FREM1: variants seen among roughly 807,000 people sequenced by gnomAD.
The protein encoded by FREM1 is FRAS1 related extracellular matrix 1.
A neutral mutation model predicts 210.1 loss-of-function variants in FREM1; 220 were observed. The observed-to-expected ratio is 1.05, with a 90% CI of 0.94 to 1.17. FREM1 has a LOEUF of 1.17. FREM1 is among the 50% of genes most tolerant of loss of function. The pLI is 0.00. For synonymous variants in FREM1, 1,189 were observed against 980.2 expected (o/e 1.21, Z -3.98); for missense variants, 3,454 against 2,675.5 (o/e 1.29, Z -6.42).
chr9:14,872,921 G>A (rs1274711403), intron 1 of FREM1, among the ~76,000 whole-genome samples: 1 of 150,554 alleles, frequency 6.6e-6, no homozygotes, highest in East Asian at 1.9e-4. Context: ...CATCTATTGA[G>A]ATAATCATGT....
At chr9:14,758,980 G>A (rs917951451) in intron 28 of FREM1, among the ~76,000 whole-genome samples, 2 of 152,086 alleles carry the variant, frequency 1.3e-5, no homozygotes. Context: ...CTGCCTATTT[G>A]CCTCATCAAC....
At chr9:14,743,002 A>C (rs1006994768) in intron 35 of FREM1, among the ~76,000 whole-genome samples, 11 of 152,132 alleles carry the variant, frequency 7.2e-5, no homozygotes, top group African/African-American at 2.7e-4. Flanking sequence ...AAATAAATCC[A>C]TAAACTGTAG....
At chr9:14,892,322 G>T (rs4741440) in intron 1 of FREM1, among the ~76,000 whole-genome samples, 18,914 of 152,030 alleles carry the variant, frequency 0.12, 1,491 homozygotes, top group East Asian at 0.44. Context: ...GGCTGACTTT[G>T]GGTAGGTGGG....
chr9:14,812,028 A>C (rs937799439), intron 16 of FREM1, among the ~76,000 whole-genome samples: 3 of 152,140 alleles, frequency 2.0e-5, no homozygotes, highest in African/African-American at 7.2e-5. Context: ...GAAGATGTGC[A>C]AGGTGAGATG....
chr9:14,887,423 G>A (rs372014505), intron 1 of FREM1, among the ~76,000 whole-genome samples: 41 of 152,306 alleles, frequency 2.7e-4, no homozygotes, highest in African/African-American at 9.4e-4. Context: ...TCTTTGGTGG[G>A]CCCATACTAC....
Position 14,775,892 on chromosome 9 carries a change from T to C in FREM1, c.4754A>G (p.Asp1585Gly), listed in dbSNP as rs544905717. ...KNVAYRHSGGDSQTDCFTFMA... is the reference protein window; with the variant it reads ...KNVAYRHSGGGSQTDCFTFMA... The stretch of plus-strand genomic sequence containing the variant: ...GAAAGTAAAGCAGTCAGTCTGGGAG[T>C]CCCCTCCTGAGTGCCGATAGGCCAC... Residue 1585 changes from aspartate to glycine, a missense_variant, in exon 25 of 37, where the codon GAC (aspartate) becomes GGC (glycine). Coordinates refer to ENST00000380880, the MANE Select transcript of FREM1 (RefSeq NM_001379081.2). 1.6e-4 allele frequency: 255 copies of C among 1,613,752 alleles called. 4 individuals are homozygous for C. The South Asian group carries it at 2.6e-3, about 17-fold the overall frequency.
chr9:14,900,154 C>T (rs1479555610), intron 1 of FREM1, among the ~76,000 whole-genome samples: 1 of 152,134 alleles, frequency 6.6e-6, no homozygotes, highest in Non-Finnish European at 1.5e-5. Context: ...GAACGGGAAA[C>T]ACACCAAGAT....
At position 14,842,655 on chromosome 9, in the gene FREM1, TC is replaced by T; in HGVS notation, c.1398del (p.Leu470SerfsTer56). The T allele has an allele frequency of 1.9e-6, 3 of 1,611,814 alleles. No individual in the cohort carries two copies. Among genetic ancestry groups the T allele is most frequent in the Non-Finnish European group, 2.5e-6 (3 of 1,178,814 alleles). On this transcript the variant is annotated frameshift_variant, in exon 9 of 37. Transcript: ENST00000380880. LOFTEE classifies it high-confidence loss of function. ...TCAGCCACGGTGAAGAGAAACCCTT[TC>T]CCCCCTGAGGGAGAGAGCAGAGATG... Reference protein sequence around the residue: ...LQHGWLTLRGGKGFLFTVADL... With the variant: ...LQHGWLTLRGXKGFLFTVADL...
intron 35 of FREM1, among the ~76,000 whole-genome samples, chr9:14,745,923 G>C (rs980546163): frequency 1.3e-5 from 2 of 152,106 alleles, no homozygotes; most frequent in Admixed American, 1.3e-4. Flanking sequence ...ACGTTATAAG[G>C]CTTTTCATTA....
chr9:14,851,156 T>G, intron 6 of FREM1, 128 bp downstream of exon 6: 2 of 711,312 alleles, frequency 2.8e-6, no homozygotes, highest in Non-Finnish European at 4.5e-6. Flanking sequence ...GTGTGCATCC[T>G]GATTTACAGT....
At chr9:14,822,993 C>T (rs1821658122) in intron 13 of FREM1, among the ~76,000 whole-genome samples, 167 bp downstream of exon 13, 1 of 152,100 alleles carries the variant, frequency 6.6e-6, no homozygotes, top group African/African-American at 2.4e-5. Flanking sequence ...GAGTAAAAGA[C>T]TCCCTTCTCC....
At chr9:14,851,205 C>T (rs1827677122) in intron 6 of FREM1, 79 bp downstream of exon 6, 1 of 1,021,958 alleles carries the variant, frequency 9.8e-7, no homozygotes. Flanking sequence ...TACAAAGGAA[C>T]CTGAGGGTTT....
chr9:14,766,464 C>A (rs768900174), intron 27 of FREM1, among the ~76,000 whole-genome samples: 4 of 152,140 alleles, frequency 2.6e-5, no homozygotes, highest in Non-Finnish European at 2.9e-5. Flanking sequence ...CCAATCCACA[C>A]GCACATCTCG....
chr9:14,843,073 T>C (rs904857361), intron 8 of FREM1, among the ~76,000 whole-genome samples: 3 of 152,186 alleles, frequency 2.0e-5, no homozygotes, highest in Admixed American at 6.5e-5. Context: ...ACATTCATCA[T>C]TGTGGGCAGG....
chr9:14,897,037 A>G (rs1837864857), intron 1 of FREM1, among the ~76,000 whole-genome samples: 1 of 152,232 alleles, frequency 6.6e-6, no homozygotes, highest in Non-Finnish European at 1.5e-5. Flanking sequence ...GCTTTCGATG[A>G]CCTAAGAAAT....
At chr9:14,802,747 A>G (rs1817520636) in intron 19 of FREM1, among the ~76,000 whole-genome samples, 1 of 152,206 alleles carries the variant, frequency 6.6e-6, no homozygotes, top group African/African-American at 2.4e-5. Flanking sequence ...ACACATGCAT[A>G]TTGGTAATCT....
At chr9:14,812,741 G>T (rs1204626605) in intron 16 of FREM1, 71 bp downstream of exon 16, 2 of 1,448,450 alleles carry the variant, frequency 1.4e-6, no homozygotes, top group East Asian at 4.6e-5. Flanking sequence ...TTGATTATGG[G>T]AGCCCACACT....
At chr9:14,753,859 TG>T (rs1843803095) in intron 29 of FREM1, among the ~76,000 whole-genome samples, 1 of 152,226 alleles carries the variant, frequency 6.6e-6, no homozygotes, top group Non-Finnish European at 1.5e-5. Context: ...AACAGCCAAT[TG>T]TTTTTTTCTT....
chr9:14,848,433 C>A (rs1433240259), intron 7 of FREM1, among the ~76,000 whole-genome samples: 1 of 152,120 alleles, frequency 6.6e-6, no homozygotes, highest in Non-Finnish European at 1.5e-5. Flanking sequence ...TTATCTCCGG[C>A]AGAGGAAAGA....
Sources: gnomAD v4.1 joint callset for allele counts (sites outside exome capture counted in the v4.1 genomes callset) on GRCh38, gnomAD v4.1.1 for gene constraint, MANE v1.5 for transcripts, NCBI Gene and HGNC (gene_info 2026-07-23, HGNC 2026-07-21) for gene names.